The following ART3 variants were observed in gnomAD, a reference collection of about 807,000 sequenced individuals.
ART3 encodes ADP-ribosyltransferase 3 (inactive).
A neutral mutation model predicts 48.5 loss-of-function variants in ART3; 49 were observed. The observed-to-expected ratio is 1.01, with a 90% CI of 0.80 to 1.28. ART3 has a LOEUF of 1.28. Ranked by LOEUF, ART3 falls within the 50% of genes most tolerant of loss-of-function variation. The pLI is 0.00. For missense variants in ART3, 438 were observed against 454.3 expected, an observed-to-expected ratio of 0.96 and a Z score of 0.33; for synonymous variants, 145 against 157.2, an observed-to-expected ratio of 0.92 and a Z score of 0.58.
intron 1 of ART3, among the ~76,000 whole-genome samples, chr4:76,056,505 G>T (rs573444245): frequency 1.3e-5 from 2 of 152,276 alleles, no homozygotes; most frequent in South Asian, 4.2e-4. Context: ...AAAAAGAGTT[G>T]CAGGTTTAGA....
In ART3 at chr4:76,112,517, T is replaced by C. The variant is rs1356173187; in HGVS notation, c.1168T>C (p.Ter390GlnextTer14). ...TGCTATAAATCTCTTTGTTGCTCTG[T>C]AGTTTGATGCATTGTTTATCTTTCT... ...VSAINLFVAL[*>Q] Residue 390 changes from the stop codon to glutamine (Q), a stop_lost, in exon 12 of 12, where the codon TAG becomes CAG. Transcript: ENST00000355810. 2 of 1,611,556 alleles carry C rather than the reference T, an allele frequency of 1.2e-6. No homozygotes were observed. Among genetic ancestry groups the C allele is most frequent in the Non-Finnish European group, 1.7e-6 (2 of 1,178,774 alleles).
intron 3 of ART3, 114 bp downstream of exon 3, chr4:76,082,649 C>T (rs955509440): frequency 2.2e-5 from 17 of 772,960 alleles, no homozygotes; most frequent in Non-Finnish European, 2.2e-5. Flanking sequence ...AATGACATTC[C>T]GTCTAGCTTC....
chr4:76,078,587 T>C (rs552503345), intron 2 of ART3, among the ~76,000 whole-genome samples: 2 of 152,322 alleles, frequency 1.3e-5, no homozygotes, highest in Admixed American at 1.3e-4. Flanking sequence ...CAGAATTCTC[T>C]GTGGCTAGTA....
intron 1 of ART3, among the ~76,000 whole-genome samples, chr4:76,069,649 C>A (rs112614230): frequency 0.051 from 7,801 of 151,990 alleles, 241 homozygotes; most frequent in South Asian, 0.14. Flanking sequence ...CTTGGCCTCC[C>A]AAAGTCCTGG....
intron 1 of ART3, among the ~76,000 whole-genome samples, chr4:76,050,306 A>T (rs28820049): frequency 0.61 from 92,669 of 151,486 alleles, 29,415 homozygotes; most frequent in East Asian, 0.94. Context: ...GGGCGCTGAT[A>T]GGTGGGTTTA....
At chr4:76,045,227 C>T (rs895480742) in intron 1 of ART3, among the ~76,000 whole-genome samples, 13 of 151,916 alleles carry the variant, frequency 8.6e-5, no homozygotes, top group Admixed American at 1.3e-4. Flanking sequence ...TCATCTCGGG[C>T]GGCATAAGTC....
At position 76,104,582 on chromosome 4, in the gene ART3, T is replaced by C; in HGVS notation, c.971-15T>C. 6.4e-7 allele frequency: 1 copy of C among 1,551,578 alleles called. No homozygotes were observed. Among genetic ancestry groups the C allele is most frequent in the Non-Finnish European group, 8.7e-7 (1 of 1,146,894 alleles). ...GAGCAAACTGTAAGTCATTGGAAAC[T>C]TCCTTCTCATTTAGGAATGAAAATT... On this transcript the variant is annotated splice_polypyrimidine_tract_variant and intron_variant, in intron 9 of 11. Coordinates refer to ENST00000355810, the MANE Select transcript of ART3 (RefSeq NM_001130016.3).
At chr4:76,073,403 A>G (rs139727202), upstream of ART3, among the ~76,000 whole-genome samples, 11 of 152,220 alleles carry the variant, frequency 7.2e-5, no homozygotes, top group East Asian at 1.9e-3. Context: ...AAAAAATCAT[A>G]TTATTTCTGG....
At chr4:76,110,314 T>TA (rs899746598) in intron 11 of ART3, among the ~76,000 whole-genome samples, 5 of 152,206 alleles carry the variant, frequency 3.3e-5, no homozygotes, top group Non-Finnish European at 7.4e-5. Context: ...CTAGAGATAG[T>TA]ATAAGGTATA....
chr4:76,048,150 G>A (rs558391243), intron 1 of ART3, among the ~76,000 whole-genome samples: 5 of 151,832 alleles, frequency 3.3e-5, no homozygotes, highest in Admixed American at 6.6e-5. Flanking sequence ...TAGGATATGG[G>A]GATAAGCTGA....
Position 76,105,812 on chromosome 4 carries a change from C to T in ART3, c.1003+1183C>T, listed in dbSNP as rs1728345096. ...CTGGAACAGTTGGCTTCCAGCTGGG[C>T]CTGTCTATTCCAGAATGAGGCAGGC... is the stretch of plus-strand genomic sequence containing the variant. On this transcript the variant is annotated intron_variant, in intron 10 of 11. Coordinates refer to ENST00000355810, the MANE Select transcript of ART3 (RefSeq NM_001130016.3). The T allele has an allele frequency of 4.1e-6, 4 of 985,256 alleles. No homozygotes were observed. The South Asian group carries it at 1.9e-4, about 46-fold the overall frequency. The allele number at this position is 985,256 out of a possible 1,614,324, so 61.0% of individuals were successfully genotyped here.
intron 2 of ART3, among the ~76,000 whole-genome samples, chr4:76,080,921 A>G (rs1011437691): frequency 2.6e-5 from 4 of 152,192 alleles, no homozygotes; most frequent in African/African-American, 9.7e-5. Context: ...CCTGGCTTCA[A>G]AGTGGTGTTA....
intron 1 of ART3, among the ~76,000 whole-genome samples, chr4:76,053,270 A>G (rs950838918): frequency 1.3e-5 from 2 of 152,184 alleles, no homozygotes; most frequent in Non-Finnish European, 2.9e-5. Context: ...ATTGCACAGG[A>G]AGAGTCTTCC....
In ART3 at chr4:76,033,825, C is replaced by T. The variant is rs548934836; in HGVS notation, c.-10+22505C>T. On this transcript the variant is annotated intron_variant, in intron 1 of 9. Coordinates refer to the ART3 transcript ENST00000341029. ...TTAGATTATGTATTTTTCTAAGAGA[C>T]AGAATTACAAAAAGTAAAAGTGATT... 4 of 152,124 alleles carry T rather than the reference C, an allele frequency of 2.6e-5. No individual in the cohort carries two copies. In the South Asian group the frequency reaches 6.2e-4, roughly 24 times the overall value. The allele number at this position is 152,124 out of a possible 1,614,324, so 9.4% of individuals were successfully genotyped here.
At position 76,107,752 on chromosome 4, in the gene ART3, A is replaced by G. The variant is rs1458037802; in HGVS notation, c.1004-9A>G. The G allele has an allele frequency of 5.6e-6, 8 of 1,418,244 alleles. No homozygotes were observed. Among genetic ancestry groups the G allele is most frequent in the Admixed American group, 2.3e-5 (1 of 43,452 alleles). The allele number at this position is 1,418,244 out of a possible 1,614,324, so 87.9% of individuals were successfully genotyped here. On this transcript the variant is annotated splice_polypyrimidine_tract_variant and intron_variant, in intron 10 of 11. Transcript: ENST00000355810. ...AATATAACTAACTCAAAATCTCTTT[A>G]TATTTTAGAAGATAAAAGTCAAGGA...
chr4:76,102,270 T>C lies in ART3; in HGVS notation c.937+1251T>C, dbSNP rs1270660575. Among the ~76,000 whole-genome samples the C allele has an allele frequency of 3.3e-5, 5 of 152,348 alleles. No individual in the cohort carries two copies. The East Asian group carries it at 9.6e-4, about 29-fold the overall frequency. On this transcript the variant is annotated intron_variant, in intron 8 of 11. Transcript: ENST00000355810. ...AGGATTGAAGCATCGGGAACTTCAT[T>C]TATCAAGCTGATTGAAGATTTTAAA... is the stretch of plus-strand genomic sequence containing the variant.
chr4:76,077,859 A>T (rs1399356766), intron 2 of ART3, among the ~76,000 whole-genome samples: 1 of 152,154 alleles, frequency 6.6e-6, no homozygotes, highest in Admixed American at 6.6e-5. Context: ...CTTGTGTTAC[A>T]TGTTACTTGG....
At chr4:76,094,458 T>C (rs11725516) in intron 3 of ART3, among the ~76,000 whole-genome samples, 7,878 of 152,322 alleles carry the variant, frequency 0.052, 305 homozygotes, top group Non-Finnish European at 0.074. Context: ...GTTGTGTGCA[T>C]GGTAATTTTA....
chr4:76,084,476 A>G (rs1264275449), intron 3 of ART3, among the ~76,000 whole-genome samples: 1 of 152,226 alleles, frequency 6.6e-6, no homozygotes, highest in Non-Finnish European at 1.5e-5. Flanking sequence ...AGTGACTTCT[A>G]GGTTCTGTAG....
Sources: gnomAD v4.1 joint callset for allele counts (sites outside exome capture counted in the v4.1 genomes callset) on GRCh38, gnomAD v4.1.1 for gene constraint, MANE v1.5 for transcripts, NCBI Gene and HGNC (gene_info 2026-07-23, HGNC 2026-07-21) for gene names.